Variants in POU2F1 observed in about 807,000 individuals in gnomAD.
POU2F1 encodes the protein POU class 2 homeobox 1.
Under a neutral mutation model 84.9 loss-of-function variants are expected in POU2F1, and 16 were observed. The ratio of observed to expected loss-of-function variants is 0.19; its 90% CI spans 0.13 to 0.29. The LOEUF is 0.29. Among genes scored for constraint, POU2F1 ranks in the 10% least tolerant of loss-of-function variants. The pLI, the probability that POU2F1 is intolerant of heterozygous loss-of-function variation, is 1.00. For synonymous variants in POU2F1, 368 were observed against 368.3 expected (o/e 1.00, Z 0.01); for missense variants, 738 against 942.6 (o/e 0.78, Z 2.84).
At chr1:167,329,317 G>T (rs556703206) in intron 1 of POU2F1, 38 of 1,547,500 alleles carry the variant, frequency 2.5e-5, no homozygotes, top group African/African-American at 5.5e-5. Flanking sequence ...GTGGGTACCA[G>T]CACAGTTCTT....
chr1:167,325,943 G>A (rs949651919), intron 1 of POU2F1, among the ~76,000 whole-genome samples: 22 of 150,872 alleles, frequency 1.5e-4, no homozygotes, highest in Non-Finnish European at 1.5e-5. Context: ...CTGGAAGAGC[G>A]TTTGTCCCCT....
At chr1:167,329,305 A>T (rs867992035) in intron 1 of POU2F1, 16 of 1,548,912 alleles carry the variant, frequency 1.0e-5, no homozygotes, top group Non-Finnish European at 1.4e-5. Context: ...ACTATGTTCT[A>T]GGTGGGTACC....
intron 2 of POU2F1, among the ~76,000 whole-genome samples, chr1:167,361,521 C>A (rs1659350388): frequency 6.6e-6 from 1 of 152,158 alleles, no homozygotes; most frequent in African/African-American, 2.4e-5. Flanking sequence ...AGAAATAAAG[C>A]CCACTTGATC....
At chr1:167,369,978 GGGT>G (rs1659905319) in intron 3 of POU2F1, among the ~76,000 whole-genome samples, 180 bp from the exon 4 acceptor site, 1 of 152,124 alleles carries the variant, frequency 6.6e-6, no homozygotes, top group Admixed American at 6.5e-5. Flanking sequence ...GGACCCGTTG[GGGT>G]GGGGTAGGGT....
chr1:167,426,558 T>C lies in POU2F1; in HGVS notation c.*10748T>C, dbSNP rs1650963637. The stretch of plus-strand genomic sequence containing the variant: ...TTTAAAGAGACAGTGATCGTGTTTT[T>C]CTAAAGATGTTTTCTTTCTCTCTTT... On this transcript the variant is annotated 3_prime_UTR_variant, in exon 16 of 16. Coordinates refer to ENST00000367866, the MANE Select transcript of POU2F1 (RefSeq NM_002697.4). The C allele has an allele frequency of 6.6e-6, 1 of 152,274 alleles. No homozygotes were observed. The highest frequency in any genetic ancestry group is 6.5e-5 in the Admixed American group (1 of 15,286). The allele number at this position is 152,274 out of a possible 1,614,324, so 9.4% of individuals were successfully genotyped here.
Position 167,383,969 on chromosome 1 carries a change from G to A in POU2F1, c.813+18G>A, listed in dbSNP as rs747576860. The A allele has an allele frequency of 6.3e-7, 1 of 1,583,248 alleles. No individual in the cohort carries two copies. The highest frequency in any genetic ancestry group is 1.1e-5 in the South Asian group (1 of 87,942). On this transcript the variant is annotated intron_variant, in intron 8 of 15. Transcript: ENST00000367866. ...CCTCCCAGGTCAGTTTTCTTCTATG[G>A]GGGCTGCTTTCTCTTATCATATTGT... is the stretch of plus-strand genomic sequence containing the variant.
intron 1 of POU2F1, among the ~76,000 whole-genome samples, chr1:167,275,739 G>C (rs1652684992): frequency 6.6e-6 from 1 of 152,150 alleles, no homozygotes. Context: ...TGCCCAAAAA[G>C]ATGGGGTAAG....
chr1:167,226,109 C>A (rs1008827649), intron 1 of POU2F1, among the ~76,000 whole-genome samples: 1 of 152,192 alleles, frequency 6.6e-6, no homozygotes, highest in African/African-American at 2.4e-5. Context: ...TTTTGGTTAT[C>A]CATGTTCTTG....
rs1055876073 is a variant in POU2F1 at position 167,396,152 on chromosome 1, C to G, written c.988-134C>G. On this transcript the variant is annotated intron_variant, in intron 9 of 15. Transcript: ENST00000367866. ...GCTTAGGGATGGAGTTTATGTGGGA[C>G]CCCGTAAGTGGAATAATTACTGACT... 1.7e-5 allele frequency: 17 copies of G among 1,008,346 alleles called. No homozygotes were observed. In the African/African-American group the frequency reaches 2.3e-4, roughly 13 times the overall value. 62.5% of individuals were successfully genotyped at this position (1,008,346 alleles called of 1,614,324 possible).
chr1:167,379,386 A>G (rs1647343289), intron 7 of POU2F1: 1 of 152,220 alleles, frequency 6.6e-6, no homozygotes, highest in Admixed American at 6.5e-5. Flanking sequence ...GAAAATTGGT[A>G]AATAAGTAGG....
rs551008426 is a variant in POU2F1 at position 167,321,040 on chromosome 1, G to A, written c.62-11430G>A. The stretch of plus-strand genomic sequence containing the variant: ...GTCATTTACTAAGGTCCCCAAGTAG[G>A]GGTAAAGAGTAGTAGTCTGAATTTT... On this transcript the variant is annotated intron_variant, in intron 1 of 15. Coordinates refer to ENST00000367866, the MANE Select transcript of POU2F1 (RefSeq NM_002697.4). Among the ~76,000 whole-genome samples the A allele has an allele frequency of 2.7e-4, 41 of 152,284 alleles. 1 individual carries two copies. Among genetic ancestry groups the A allele is most frequent in the Non-Finnish European group, 4.1e-4 (28 of 68,020 alleles).
At chr1:167,374,411 C>T in intron 6 of POU2F1, 115 bp downstream of exon 6, 1 of 1,002,236 alleles carries the variant, frequency 1.0e-6, no homozygotes, top group East Asian at 2.7e-5. Flanking sequence ...GCCTGAGGAG[C>T]TCTAGATCAG....
At chr1:167,305,295 A>G (rs1654990865) in intron 1 of POU2F1, among the ~76,000 whole-genome samples, 1 of 151,718 alleles carries the variant, frequency 6.6e-6, no homozygotes, top group South Asian at 2.1e-4. Context: ...TCACGTGATC[A>G]TCCCACCTCG....
intron 1 of POU2F1, among the ~76,000 whole-genome samples, chr1:167,261,576 A>G (rs921444027): frequency 6.6e-5 from 10 of 152,194 alleles, no homozygotes; most frequent in Non-Finnish European, 1.5e-4. Context: ...TCTGATAAGC[A>G]TTTTGCATTG....
At chr1:167,357,367 C>CCCCCCT (rs1659020243) in intron 2 of POU2F1, 1 of 18,468 alleles carries the variant, frequency 5.4e-5, no homozygotes, top group African/African-American at 2.3e-4. Context: ...CCTCCCCCCC[C>CCCCCCT]ACCCCCCCCC....
rs571280589 is a variant in POU2F1, at chr1:167,411,879, A to G, written c.1556-80A>G. ...TGGTAGGTTAATTATTCCATTGATTATAGAGTTTGGCTGAGTAAAGCCACC... is the reference window on the plus strand; with the variant it reads ...TGGTAGGTTAATTATTCCATTGATTGTAGAGTTTGGCTGAGTAAAGCCACC... On this transcript the variant is annotated intron_variant, in intron 13 of 15. Coordinates refer to ENST00000367866, the MANE Select transcript of POU2F1 (RefSeq NM_002697.4). 1.3e-4 allele frequency: 162 copies of G among 1,291,426 alleles called. No homozygotes were observed. In the South Asian group the frequency reaches 1.8e-3, roughly 14 times the overall value. 80.0% of individuals were successfully genotyped at this position (1,291,426 alleles called of 1,614,324 possible).
intron 1 of POU2F1, among the ~76,000 whole-genome samples, chr1:167,253,984 GT>G (rs1209608192): frequency 6.6e-6 from 1 of 152,060 alleles, no homozygotes; most frequent in Non-Finnish European, 1.5e-5. Context: ...TTATTGGTTT[GT>G]TTTTTGACTA....
intron 1 of POU2F1, among the ~76,000 whole-genome samples, chr1:167,324,144 T>A (rs1656525969): frequency 6.6e-6 from 1 of 152,188 alleles, no homozygotes; most frequent in Non-Finnish European, 1.5e-5. Context: ...AAGAGAGCTA[T>A]AAAATAGTAG....
chr1:167,239,065 A>G (rs1203487130), intron 1 of POU2F1, among the ~76,000 whole-genome samples: 2 of 152,190 alleles, frequency 1.3e-5, no homozygotes, highest in Admixed American at 1.3e-4. Context: ...TGTAAGGTGT[A>G]ACCCTGACAA....
Sources: allele counts gnomAD v4.1 joint callset (sites outside exome capture counted in the v4.1 genomes callset), GRCh38; gene constraint gnomAD v4.1.1; transcripts MANE v1.5; gene names NCBI Gene and HGNC (gene_info 2026-07-23, HGNC 2026-07-21).